TEKT5: variants seen among roughly 807,000 people sequenced by gnomAD.
The protein encoded by TEKT5 is tektin-5.
In TEKT5, 52 loss-of-function variants were observed where a neutral mutation model predicts 48.7. The ratio of observed to expected loss-of-function variants is 1.07; its 90% CI spans 0.86 to 1.35. The LOEUF is 1.35. Among genes scored for constraint, TEKT5 ranks in the 40% most tolerant of loss-of-function variants. TEKT5 has a pLI of 0.00. For missense variants in TEKT5, 831 were observed against 641.6 expected, an observed-to-expected ratio of 1.30 and a Z score of -3.19; for synonymous variants, 318 against 267.6, an observed-to-expected ratio of 1.19 and a Z score of -1.84.
chr16:10,674,142 C>T (rs1048192091), intron 5 of TEKT5, among the ~76,000 whole-genome samples: 1 of 152,074 alleles, frequency 6.6e-6, no homozygotes, highest in African/African-American at 2.4e-5. Context: ...AGCTTCATCC[C>T]GGACGCTTCC....
At chr16:10,678,330 G>A (rs151292029) in intron 4 of TEKT5, among the ~76,000 whole-genome samples, 87 of 152,120 alleles carry the variant, frequency 5.7e-4, no homozygotes, top group African/African-American at 1.8e-3. Flanking sequence ...ATCTCTTGAC[G>A]TCGTGATTCG....
At chr16:10,628,905 C>CA (rs201157132) in intron 6 of TEKT5, among the ~76,000 whole-genome samples, 856 of 79,172 alleles carry the variant, frequency 0.011, 4 homozygotes, top group Middle Eastern at 0.029. Context: ...AACTCTGTCT[C>CA]AAAAAAAAAA....
At chr16:10,660,370 T>TC (rs1424941610) in intron 5 of TEKT5, among the ~76,000 whole-genome samples, 1 of 151,530 alleles carries the variant, frequency 6.6e-6, no homozygotes, top group Non-Finnish European at 1.5e-5. Flanking sequence ...GTTAAGTAAC[T>TC]CCCCCCACCC....
intron 3 of TEKT5, among the ~76,000 whole-genome samples, chr16:10,688,327 A>G (rs1898900197): frequency 6.6e-6 from 1 of 152,124 alleles, no homozygotes; most frequent in Non-Finnish European, 1.5e-5. Flanking sequence ...TCTCCCTAAC[A>G]CCCAGAACTA....
At chr16:10,688,443 C>T (rs1270269853) in intron 3 of TEKT5, among the ~76,000 whole-genome samples, 1 of 152,234 alleles carries the variant, frequency 6.6e-6, no homozygotes, top group African/African-American at 2.4e-5. Flanking sequence ...CCCGCCCCCC[C>T]TGCATCCACG....
chr16:10,674,617 GAAAAAAAA>G (rs57583870), intron 5 of TEKT5, among the ~76,000 whole-genome samples: 6,092 of 75,082 alleles, frequency 0.081, 163 homozygotes, highest in Middle Eastern at 0.18. Flanking sequence ...GATCATCTCA[GAAAAAAAA>G]AAAAAAAAAA....
intron 5 of TEKT5, among the ~76,000 whole-genome samples, chr16:10,638,454 T>C (rs1379058504): frequency 2.6e-5 from 4 of 152,154 alleles, no homozygotes; most frequent in South Asian, 2.1e-4. Context: ...CAGGACACAA[T>C]GGTGAGGTTG....
intron 3 of TEKT5, among the ~76,000 whole-genome samples, chr16:10,684,552 T>G (rs1898821860): frequency 6.6e-6 from 1 of 152,154 alleles, no homozygotes; most frequent in Admixed American, 6.5e-5. Context: ...CCCGGGGCCC[T>G]TGGGGTTTCC....
At chr16:10,653,730 T>C (rs1404095766) in intron 5 of TEKT5, among the ~76,000 whole-genome samples, 1 of 152,108 alleles carries the variant, frequency 6.6e-6, no homozygotes, top group Non-Finnish European at 1.5e-5. Context: ...CTGGCCAACA[T>C]GGTGAAACCC....
intron 2 of TEKT5, 93 bp from the exon 3 acceptor site, chr16:10,689,416 A>T: frequency 9.1e-7 from 1 of 1,099,778 alleles, no homozygotes; most frequent in Non-Finnish European, 1.3e-6. Flanking sequence ...CTCCCCTCTC[A>T]CTGACCACCC....
intron 5 of TEKT5, among the ~76,000 whole-genome samples, chr16:10,638,135 T>C (rs1897941690): frequency 6.6e-6 from 1 of 152,158 alleles, no homozygotes; most frequent in African/African-American, 2.4e-5. Flanking sequence ...TGATTCTCTC[T>C]ACTTCTGTGT....
chr16:10,631,829 G>A (rs1429248468), intron 6 of TEKT5, among the ~76,000 whole-genome samples: 5 of 152,198 alleles, frequency 3.3e-5, no homozygotes, highest in Non-Finnish European at 7.3e-5. Context: ...GCCTCTCTCA[G>A]AGCCTCCAGG....
chr16:10,688,776 A>C (rs955521669), intron 3 of TEKT5, among the ~76,000 whole-genome samples: 1 of 152,218 alleles, frequency 6.6e-6, no homozygotes, highest in African/African-American at 2.4e-5. Flanking sequence ...TTTTGTTTGA[A>C]GACTTCTGGC....
intron 5 of TEKT5, among the ~76,000 whole-genome samples, chr16:10,647,861 G>C (rs1898095121): frequency 6.6e-6 from 1 of 152,246 alleles, no homozygotes; most frequent in Non-Finnish European, 1.5e-5. Flanking sequence ...TTAGTGCCAA[G>C]CACTGTTCTA....
At chr16:10,686,640 C>A (rs749575548) in intron 3 of TEKT5, among the ~76,000 whole-genome samples, 1 of 151,996 alleles carries the variant, frequency 6.6e-6, no homozygotes, top group Non-Finnish European at 1.5e-5. Context: ...GCACAGCAAA[C>A]GAAACAAACA....
chr16:10,679,920 A>C (rs71219123), intron 4 of TEKT5, among the ~76,000 whole-genome samples: 30,950 of 152,032 alleles, frequency 0.2, 3,309 homozygotes, highest in South Asian at 0.27. Context: ...AAATAAATAA[A>C]TAAGAAAACC....
chr16:10,648,541 AG>A (rs1230096778), intron 5 of TEKT5, among the ~76,000 whole-genome samples: 1 of 152,214 alleles, frequency 6.6e-6, no homozygotes, highest in Non-Finnish European at 1.5e-5. Context: ...CATGTTGGCC[AG>A]GCTGGTCTCG....
intron 6 of TEKT5, among the ~76,000 whole-genome samples, chr16:10,633,696 C>G (rs1049970778): frequency 2.5e-4 from 38 of 152,236 alleles, no homozygotes; most frequent in African/African-American, 8.2e-4. Context: ...GTACATGTCA[C>G]GATGCCTGGC....
chr16:10,636,811 C>CATTATTATTATTATT (rs143109867), intron 5 of TEKT5, among the ~76,000 whole-genome samples: 22 of 147,174 alleles, frequency 1.5e-4, no homozygotes, highest in African/African-American at 4.0e-4. Flanking sequence ...ATGTATTTTC[C>CATTATTATTATTATT]ATTATTATTA....
Sources: gnomAD v4.1 joint callset for allele counts (sites outside exome capture counted in the v4.1 genomes callset) on GRCh38, gnomAD v4.1.1 for gene constraint, MANE v1.5 for transcripts, NCBI Gene and HGNC (gene_info 2026-07-23, HGNC 2026-07-21) for gene names.